Variants in CTTNBP2 observed in about 807,000 individuals in gnomAD.
The protein encoded by CTTNBP2 is cortactin binding protein 2, also known as cortactin-binding protein 2.
CTTNBP2 carries 108 observed loss-of-function variants against 156.9 expected under a neutral mutation model. The ratio of observed to expected loss-of-function variants is 0.69; its 90% CI spans 0.59 to 0.81. CTTNBP2 has a LOEUF of 0.81. CTTNBP2 is among the 30% of genes least tolerant of loss of function. The pLI is 0.00. For missense variants in CTTNBP2, 1,924 were observed against 2,035.4 expected, an observed-to-expected ratio of 0.95 and a Z score of 1.05; for synonymous variants, 767 against 751.8, an observed-to-expected ratio of 1.02 and a Z score of -0.33.
intron 9 of CTTNBP2, 67 bp downstream of exon 9, chr7:117,766,992 T>C: frequency 1.1e-6 from 1 of 891,134 alleles, no homozygotes; most frequent in Non-Finnish European, 1.9e-6. Flanking sequence ...AAATAGTTTT[T>C]CCCATTGTAC....
intron 8 of CTTNBP2, among the ~76,000 whole-genome samples, chr7:117,769,857 C>G (rs1797712282): frequency 6.6e-6 from 1 of 152,176 alleles, no homozygotes; most frequent in African/African-American, 2.4e-5. Flanking sequence ...AGAGCCACAA[C>G]AGACCTGGAT....
At chr7:117,836,000 C>T (rs1228440026) in intron 2 of CTTNBP2, among the ~76,000 whole-genome samples, 1 of 152,076 alleles carries the variant, frequency 6.6e-6, no homozygotes, top group Non-Finnish European at 1.5e-5. Flanking sequence ...CAGCACAGGC[C>T]ATGTTGCCTG....
At chr7:117,825,522 T>G (rs1801226198) in intron 2 of CTTNBP2, among the ~76,000 whole-genome samples, 1 of 152,234 alleles carries the variant, frequency 6.6e-6, no homozygotes, top group Non-Finnish European at 1.5e-5. Flanking sequence ...TTCTCATTTA[T>G]CCTTCAGCCT....
intron 16 of CTTNBP2, 93 bp downstream of exon 16, chr7:117,734,820 G>T: frequency 1.0e-6 from 1 of 963,164 alleles, no homozygotes; most frequent in Non-Finnish European, 1.5e-6. Context: ...GCCCAAGGCT[G>T]CATAGTTAGT....
At chr7:117,783,076 C>A in intron 5 of CTTNBP2, 115 bp from the exon 6 acceptor site, 1 of 660,208 alleles carries the variant, frequency 1.5e-6, no homozygotes, top group East Asian at 2.7e-5. Context: ...CTGCACAGTT[C>A]ATCTCAGAAT....
At position 117,715,464 on chromosome 7, in the gene CTTNBP2, G is replaced by A. The variant is rs190893918; in HGVS notation, c.4746+2554C>T. On this transcript the variant is annotated intron_variant, in intron 22 of 22. Coordinates refer to ENST00000160373, the MANE Select transcript of CTTNBP2 (RefSeq NM_033427.3). ...AGGCTTCCCCTCAGACTAGAGTCCA[G>A]GCCCTGAAGTTAAAAAAAAAAAAAA... 2.7e-5 allele frequency among the ~76,000 whole-genome samples: 3 copies of A among 111,020 alleles called. No homozygotes were observed. The East Asian group carries it at 7.5e-4, about 28-fold the overall frequency. The allele number at this position is 111,020 out of a possible 152,430, so 72.8% of individuals were successfully genotyped here.
intron 2 of CTTNBP2, among the ~76,000 whole-genome samples, chr7:117,821,455 C>T (rs1232965137): frequency 6.6e-6 from 1 of 151,848 alleles, no homozygotes; most frequent in East Asian, 1.9e-4. Context: ...TATTTTTCTG[C>T]ATCTATTAAT....
intron 2 of CTTNBP2, among the ~76,000 whole-genome samples, chr7:117,856,665 T>C (rs1376391932): frequency 1.3e-5 from 2 of 152,136 alleles, no homozygotes; most frequent in African/African-American, 4.8e-5. Context: ...TTGCCATGGG[T>C]TTATGGTCAA....
At chr7:117,820,276 C>T (rs1200573315) in intron 2 of CTTNBP2, among the ~76,000 whole-genome samples, 4 of 152,216 alleles carry the variant, frequency 2.6e-5, no homozygotes, top group Admixed American at 2.0e-4. Flanking sequence ...AGACTCCAGA[C>T]AGCCACCACC....
chr7:117,716,543 A>AAGAT (rs1261313503), intron 22 of CTTNBP2, among the ~76,000 whole-genome samples: 2 of 152,094 alleles, frequency 1.3e-5, no homozygotes, highest in Admixed American at 1.3e-4. Flanking sequence ...TGAGGCTTTA[A>AAGAT]AGATAGCAAA....
chr7:117,840,924 C>T (rs1442052917), intron 2 of CTTNBP2, among the ~76,000 whole-genome samples: 6 of 151,980 alleles, frequency 3.9e-5, no homozygotes, highest in Non-Finnish European at 7.4e-5. Context: ...TCTCAGGACC[C>T]CTTAATGCTA....
At chr7:117,848,053 G>C (rs575145842) in intron 2 of CTTNBP2, among the ~76,000 whole-genome samples, 71 of 152,048 alleles carry the variant, frequency 4.7e-4, no homozygotes, top group Non-Finnish European at 9.0e-4. Flanking sequence ...TCTTGATCTC[G>C]TGATCCACCC....
intron 2 of CTTNBP2, among the ~76,000 whole-genome samples, chr7:117,853,845 T>C (rs1465882240): frequency 6.6e-6 from 1 of 152,178 alleles, no homozygotes; most frequent in Non-Finnish European, 1.5e-5. Flanking sequence ...ATTTGCTTAT[T>C]ATATGGGCCA....
At chr7:117,809,034 G>A (rs1437513530) in intron 3 of CTTNBP2, among the ~76,000 whole-genome samples, 1 of 152,084 alleles carries the variant, frequency 6.6e-6, no homozygotes, top group Non-Finnish European at 1.5e-5. Context: ...TGGCTATAAA[G>A]GACTCCTGTA....
At chr7:117,781,098 A>C (rs763913682) in intron 6 of CTTNBP2, among the ~76,000 whole-genome samples, 3 of 152,228 alleles carry the variant, frequency 2.0e-5, no homozygotes, top group African/African-American at 4.8e-5. Flanking sequence ...CTTGGGGAGA[A>C]AAGACAGCAG....
intron 12 of CTTNBP2, among the ~76,000 whole-genome samples, chr7:117,747,625 T>C (rs751642876): frequency 1.3e-5 from 2 of 152,030 alleles, no homozygotes; most frequent in Non-Finnish European, 2.9e-5. Flanking sequence ...ATACAAAAAT[T>C]AGCCAGGTGT....
intron 2 of CTTNBP2, among the ~76,000 whole-genome samples, chr7:117,832,653 G>A (rs530911908): frequency 5.9e-5 from 9 of 151,586 alleles, no homozygotes; most frequent in Admixed American, 4.6e-4. Flanking sequence ...TCACTGACTA[G>A]GGAGAGATCG....
At chr7:117,777,360 G>T in intron 8 of CTTNBP2, 151 bp downstream of exon 8, 1 of 758,950 alleles carries the variant, frequency 1.3e-6, no homozygotes. Flanking sequence ...TACTACATAG[G>T]AATAATGTCA....
chr7:117,849,766 T>C (rs1802821543), intron 2 of CTTNBP2, among the ~76,000 whole-genome samples: 1 of 152,204 alleles, frequency 6.6e-6, no homozygotes, highest in Non-Finnish European at 1.5e-5. Flanking sequence ...CCATAATTCA[T>C]CTTCATTAGA....
Sources: gnomAD v4.1 joint callset for allele counts (sites outside exome capture counted in the v4.1 genomes callset) on GRCh38, gnomAD v4.1.1 for gene constraint, MANE v1.5 for transcripts, NCBI Gene and HGNC (gene_info 2026-07-23, HGNC 2026-07-21) for gene names.